The following NPAS3 variants were observed in gnomAD, a reference collection of about 807,000 sequenced individuals.
The protein encoded by NPAS3 is neuronal PAS domain-containing protein 3.
Under a neutral mutation model 73.1 loss-of-function variants are expected in NPAS3, and 14 were observed. The observed-to-expected ratio is 0.19, with a 90% CI of 0.13 to 0.30. NPAS3 has a LOEUF of 0.30. Ranked by LOEUF, NPAS3 falls within the 10% of genes least tolerant of loss-of-function variation. NPAS3 has a pLI of 1.00. For synonymous variants in NPAS3, 620 were observed against 541.5 expected, an observed-to-expected ratio of 1.14 and a Z score of -2.01; for missense variants, 1,096 against 1,250.0, an observed-to-expected ratio of 0.88 and a Z score of 1.86.
At chr14:33,737,739 A>G (rs2061558789) in intron 7 of NPAS3, among the ~76,000 whole-genome samples, 1 of 152,140 alleles carries the variant, frequency 6.6e-6, no homozygotes, top group South Asian at 2.1e-4. Flanking sequence ...TAACATCCCT[A>G]TTTATCTGTT....
At chr14:33,606,224 TC>T (rs1485418733) in intron 5 of NPAS3, among the ~76,000 whole-genome samples, 2 of 46,056 alleles carry the variant, frequency 4.3e-5, no homozygotes, top group South Asian at 1.0e-3. Flanking sequence ...CCTCCCCCCC[TC>T]CCCCCACCCC....
Position 33,102,907 on chromosome 14 carries a change from T to A in NPAS3, c.140+46913T>A, listed in dbSNP as rs555738594. 5.3e-5 allele frequency among the ~76,000 whole-genome samples: 8 copies of A among 152,312 alleles called. No homozygotes were observed. In the East Asian group the frequency reaches 1.5e-3, roughly 29 times the overall value. Reference sequence around the variant, plus strand: ...TAACTGCTTAAGTTCTCCACTTTTTTATTTGTGTTAACACAAGGGTTTTTT... The same window carrying A: ...TAACTGCTTAAGTTCTCCACTTTTTAATTTGTGTTAACACAAGGGTTTTTT... On this transcript the variant is annotated intron_variant, in intron 2 of 11. Transcript: ENST00000356141.
intron 2 of NPAS3, among the ~76,000 whole-genome samples, chr14:33,133,755 T>C (rs2043727455): frequency 6.6e-6 from 1 of 152,128 alleles, no homozygotes; most frequent in Non-Finnish European, 1.5e-5. Context: ...CTATCTTATG[T>C]GGCCTTTTTT....
At chr14:32,939,271 G>C (rs371624512), upstream of NPAS3, 204 of 710,854 alleles carry the variant, frequency 2.9e-4, 1 homozygote, top group African/African-American at 2.1e-3. Context: ...CACCCGGGAG[G>C]GGGGAGAGAG....
At chr14:33,207,972 T>TG (rs1781080133) in intron 2 of NPAS3, among the ~76,000 whole-genome samples, 1 of 152,104 alleles carries the variant, frequency 6.6e-6, no homozygotes, top group Non-Finnish European at 1.5e-5. Flanking sequence ...TTGATAATTT[T>TG]TTTTTGTTCT....
intron 8 of NPAS3, among the ~76,000 whole-genome samples, chr14:33,775,818 G>A (rs2062796454): frequency 6.6e-6 from 1 of 152,216 alleles, no homozygotes; most frequent in Non-Finnish European, 1.5e-5. Context: ...ATGATTCGCT[G>A]GAGTTGGCAG....
chr14:33,076,005 A>C (rs929099682), intron 2 of NPAS3, among the ~76,000 whole-genome samples: 25 of 152,284 alleles, frequency 1.6e-4, no homozygotes, highest in Admixed American at 1.0e-3. Flanking sequence ...AATTTTTGTA[A>C]ATAATATGTA....
chr14:33,511,561 T>G (rs2053054646), intron 4 of NPAS3, among the ~76,000 whole-genome samples: 1 of 152,078 alleles, frequency 6.6e-6, no homozygotes, highest in Non-Finnish European at 1.5e-5. Context: ...CGCTGTTGTA[T>G]CCTCTTTGGT....
At chr14:33,597,713 G>A (rs2057285987) in intron 5 of NPAS3, among the ~76,000 whole-genome samples, 1 of 152,228 alleles carries the variant, frequency 6.6e-6, no homozygotes, top group Non-Finnish European at 1.5e-5. Context: ...TTGTAGCCAT[G>A]AGTTTCAGCT....
At chr14:33,147,261 G>C (rs2044267943) in intron 2 of NPAS3, among the ~76,000 whole-genome samples, 1 of 152,010 alleles carries the variant, frequency 6.6e-6, no homozygotes, top group Admixed American at 6.6e-5. Context: ...GTGTAGTTCT[G>C]ATTGGAAGTT....
intron 4 of NPAS3, among the ~76,000 whole-genome samples, chr14:33,552,947 T>C (rs891314633): frequency 2.0e-5 from 3 of 152,238 alleles, no homozygotes; most frequent in African/African-American, 7.2e-5. Context: ...ACAGCAGATG[T>C]AGCATTGCAA....
At chr14:33,774,045 G>T (rs1192698689) in intron 7 of NPAS3, among the ~76,000 whole-genome samples, 1 of 151,952 alleles carries the variant, frequency 6.6e-6, no homozygotes, top group Non-Finnish European at 1.5e-5. Flanking sequence ...TCAACTTATT[G>T]GTCATTTTAT....
intron 1 of NPAS3, among the ~76,000 whole-genome samples, chr14:33,051,001 G>A (rs1223924950): frequency 2.0e-5 from 3 of 152,154 alleles, no homozygotes; most frequent in African/African-American, 4.8e-5. Context: ...AAGGCCGGGC[G>A]CGGTGGCTCA....
At chr14:33,140,991 G>A (rs8013167) in intron 2 of NPAS3, among the ~76,000 whole-genome samples, 49,516 of 152,044 alleles carry the variant, frequency 0.33, 8,248 homozygotes, top group African/African-American at 0.4. Context: ...AAACAATGGC[G>A]GAGCATCAGG....
chr14:33,309,939 T>C (rs908032090), intron 3 of NPAS3, among the ~76,000 whole-genome samples: 1 of 152,134 alleles, frequency 6.6e-6, no homozygotes, highest in African/African-American at 2.4e-5. Context: ...GCACCCATAC[T>C]TCCTGCTGGA....
chr14:33,430,519 C>T (rs2048738781), intron 4 of NPAS3, among the ~76,000 whole-genome samples: 1 of 152,026 alleles, frequency 6.6e-6, no homozygotes, highest in Non-Finnish European at 1.5e-5. Flanking sequence ...TTTTCCTTCT[C>T]CCCTCTCCCA....
At chr14:33,644,119 C>A (rs887711574) in intron 5 of NPAS3, among the ~76,000 whole-genome samples, 2 of 152,138 alleles carry the variant, frequency 1.3e-5, no homozygotes, top group Non-Finnish European at 2.9e-5. Flanking sequence ...TGAAGACTTT[C>A]TTGTACCAAT....
chr14:33,553,528 T>C (rs1477528971), intron 4 of NPAS3, among the ~76,000 whole-genome samples: 2 of 152,196 alleles, frequency 1.3e-5, no homozygotes, highest in Admixed American at 6.5e-5. Flanking sequence ...AGAAAAATAG[T>C]CAAATTTAAC....
At position 32,966,760 on chromosome 14, in the gene NPAS3, G is replaced by A. The variant is rs771537686; in HGVS notation, c.50+27394G>A. On this transcript the variant is annotated intron_variant, in intron 1 of 11. Coordinates refer to ENST00000356141, the Ensembl canonical transcript of NPAS3. Reference sequence around the variant, plus strand: ...AGTCCGCAGTCCGGCCTGGGCGACAGAGCGAGACTCCGTCTCAAAAAAAAA... The same window carrying A: ...AGTCCGCAGTCCGGCCTGGGCGACAAAGCGAGACTCCGTCTCAAAAAAAAA... Among the ~76,000 whole-genome samples the A allele has an allele frequency of 1.8e-4, 11 of 60,054 alleles. 2 individuals carry two copies. Among genetic ancestry groups the A allele is most frequent in the Non-Finnish European group, 3.0e-4 (9 of 30,172 alleles). 39.4% of individuals were successfully genotyped at this position (60,054 alleles called of 152,430 possible).
Sources: allele counts gnomAD v4.1 joint callset (sites outside exome capture counted in the v4.1 genomes callset), GRCh38; gene constraint gnomAD v4.1.1; transcripts MANE v1.5; gene names NCBI Gene and HGNC (gene_info 2026-07-23, HGNC 2026-07-21).